Variants in CNKSR3 observed in about 807,000 individuals in gnomAD.
The protein encoded by CNKSR3 is CNKSR family member 3.
In CNKSR3, 36 loss-of-function variants were observed where a neutral mutation model predicts 67.7. The observed-to-expected ratio is 0.53, with a 90% confidence interval of 0.41 to 0.70. CNKSR3 has a LOEUF of 0.70. Among genes scored for constraint, CNKSR3 ranks in the 30% least tolerant of loss-of-function variants. The pLI, the probability that CNKSR3 is intolerant of heterozygous loss-of-function variation, is 0.00. For missense variants in CNKSR3, 630 were observed against 695.2 expected, an observed-to-expected ratio of 0.91 and a Z score of 1.05; for synonymous variants, 281 against 271.4, an observed-to-expected ratio of 1.04 and a Z score of -0.35.
chr6:154,394,557 T>C lies in CNKSR3; in HGVS notation c.*11797A>G, dbSNP rs1031045616. ...ATGAGGAAAATGTAAACTCTTAGTGTGTAAAGTCACTGAGATTTGGGGGTT... is the reference window on the plus strand; with the variant it reads ...ATGAGGAAAATGTAAACTCTTAGTGCGTAAAGTCACTGAGATTTGGGGGTT... On this transcript the variant is annotated 3_prime_UTR_variant, in exon 13 of 13. Transcript: ENST00000607772. 2 of 147,290 alleles carry C rather than the reference T, an allele frequency of 1.4e-5. No homozygotes were observed. Among genetic ancestry groups the C allele is most frequent in the African/African-American group, 2.5e-5 (1 of 39,450 alleles). 9.1% of individuals were successfully genotyped at this position (147,290 alleles called of 1,614,324 possible).
Position 154,406,170 on chromosome 6 carries a change from C to T in CNKSR3, c.*184G>A. 1 of 611,572 alleles carries T rather than the reference C, an allele frequency of 1.6e-6. No individual in the cohort carries two copies. The highest frequency in any genetic ancestry group is 2.8e-5 in the East Asian group (1 of 35,832). 37.9% of individuals were successfully genotyped at this position (611,572 alleles called of 1,614,324 possible). A position where few individuals can be genotyped will look rare whatever the true frequency, so the allele number is the denominator to read the frequency against. On this transcript the variant is annotated 3_prime_UTR_variant, in exon 13 of 13. Transcript: ENST00000607772. ...TCTCCACAAGCCAGCACCTAAGATC[C>T]TCTGAATTTGTTCCCATCCAATCCT...
At chr6:154,427,865 T>G (rs1176783448) in intron 7 of CNKSR3, among the ~76,000 whole-genome samples, 2 of 152,176 alleles carry the variant, frequency 1.3e-5, no homozygotes, top group African/African-American at 4.8e-5. Flanking sequence ...ACACTTCCAG[T>G]GTGCAAAAGG....
chr6:154,489,242 CT>C (rs924533214), intron 1 of CNKSR3, among the ~76,000 whole-genome samples: 1 of 151,976 alleles, frequency 6.6e-6, no homozygotes, highest in African/African-American at 2.4e-5. Flanking sequence ...TAAAGTCACC[CT>C]ATTGCTGCTG....
intron 1 of CNKSR3, among the ~76,000 whole-genome samples, chr6:154,463,270 C>G (rs961862107): frequency 1.3e-5 from 2 of 151,992 alleles, no homozygotes; most frequent in Non-Finnish European, 2.9e-5. Context: ...AGGTTTTCAC[C>G]GTGTTAGCCA....
intron 1 of CNKSR3, among the ~76,000 whole-genome samples, chr6:154,479,230 A>AAT (rs1554237019): frequency 2.3e-4 from 35 of 151,408 alleles, no homozygotes; most frequent in East Asian, 1.4e-3. Context: ...AAAAAAAAAA[A>AAT]ATATTCTTTC....
Position 154,500,399 on chromosome 6 carries a change from G to C in CNKSR3, c.52+9664C>G, listed in dbSNP as rs557609520. Among the ~76,000 whole-genome samples the C allele has an allele frequency of 2.0e-3, 302 of 152,192 alleles. 4 individuals carry two copies. The highest frequency in any genetic ancestry group is 1.8e-4 in the Non-Finnish European group (12 of 68,016). On this transcript the variant is annotated intron_variant, in intron 1 of 12. Coordinates refer to ENST00000607772, the MANE Select transcript of CNKSR3 (RefSeq NM_173515.4). ...GTTATCCTCAGGAAAGCATGATTCA[G>C]ATTATCATAATCGCCGCCTTTTCTG...
intron 1 of CNKSR3, among the ~76,000 whole-genome samples, chr6:154,451,676 GGCTAAACTACATCTCT>G (rs1409337465): frequency 1.1e-4 from 16 of 152,170 alleles, no homozygotes; most frequent in Non-Finnish European, 8.8e-5. Context: ...TGATGTGTGA[GGCTAAACTACATCTCT>G]GCCCTGCAAA....
intron 4 of CNKSR3, among the ~76,000 whole-genome samples, chr6:154,437,410 C>CTT (rs10665656): frequency 0.42 from 42,965 of 101,924 alleles, 9,882 homozygotes; most frequent in East Asian, 0.78. Context: ...CACCTATGTT[C>CTT]TTTTTTTTTT....
At chr6:154,488,927 G>C (rs1223823039) in intron 1 of CNKSR3, among the ~76,000 whole-genome samples, 1 of 152,190 alleles carries the variant, frequency 6.6e-6, no homozygotes, top group African/African-American at 2.4e-5. Context: ...TCCCAGAACT[G>C]AGTGTACGTT....
chr6:154,454,102 C>CAGAGAGAGAGAGAG (rs1357528671), intron 1 of CNKSR3, among the ~76,000 whole-genome samples: 12 of 115,296 alleles, frequency 1.0e-4, no homozygotes, highest in African/African-American at 4.1e-4. Context: ...CACACACACA[C>CAGAGAGAGAGAGAG]ACAGAGAGAG....
rs771594128 is a variant in CNKSR3 at position 154,428,121 on chromosome 6, C to T, written c.729+7G>A. On this transcript the variant is annotated splice_region_variant and intron_variant, in intron 7 of 12. Transcript: ENST00000607772. ...ACAGATTTTACACTTAATGAATATACACTTACATTTTCTGTGGTTCCAGTA... is the reference window on the plus strand; with the variant it reads ...ACAGATTTTACACTTAATGAATATATACTTACATTTTCTGTGGTTCCAGTA... 1.8e-5 allele frequency: 29 copies of T among 1,577,046 alleles called. No individual in the cohort carries two copies. The South Asian group carries it at 3.2e-4, about 17-fold the overall frequency.
intron 1 of CNKSR3, among the ~76,000 whole-genome samples, chr6:154,493,678 G>A (rs1408673549): frequency 1.3e-5 from 2 of 152,192 alleles, no homozygotes; most frequent in African/African-American, 4.8e-5. Flanking sequence ...AGGCTTTACA[G>A]GAGGCATGGC....
At chr6:154,494,303 C>G (rs1022679341) in intron 1 of CNKSR3, among the ~76,000 whole-genome samples, 3 of 152,112 alleles carry the variant, frequency 2.0e-5, no homozygotes, top group African/African-American at 7.2e-5. Flanking sequence ...AGAACTCACT[C>G]ACTATCATGA....
chr6:154,485,321 T>C (rs78948046), intron 1 of CNKSR3, among the ~76,000 whole-genome samples: 1,668 of 152,298 alleles, frequency 0.011, 15 homozygotes, highest in Middle Eastern at 0.068. Flanking sequence ...ATTATATGTG[T>C]TTCTAAAGGG....
intron 1 of CNKSR3, among the ~76,000 whole-genome samples, chr6:154,504,707 A>G (rs1207914157): frequency 1.3e-5 from 2 of 148,834 alleles, no homozygotes; most frequent in Admixed American, 6.6e-5. Context: ...TGGGTTTTCT[A>G]AGGATGAAAT....
At chr6:154,474,453 A>G (rs938351366) in intron 1 of CNKSR3, among the ~76,000 whole-genome samples, 1 of 152,052 alleles carries the variant, frequency 6.6e-6, no homozygotes, top group Non-Finnish European at 1.5e-5. Flanking sequence ...AAGTCCTTCA[A>G]CATACCCAGC....
At chr6:154,509,036 C>T (rs938617667) in intron 1 of CNKSR3, among the ~76,000 whole-genome samples, 6 of 151,140 alleles carry the variant, frequency 4.0e-5, no homozygotes, top group Non-Finnish European at 8.8e-5. Context: ...CTGTAAAGCG[C>T]TACACAATTC....
intron 4 of CNKSR3, among the ~76,000 whole-genome samples, chr6:154,438,299 CT>C (rs1287635371): frequency 2.0e-5 from 3 of 151,986 alleles, no homozygotes; most frequent in Non-Finnish European, 2.9e-5. Flanking sequence ...GTAAACACAA[CT>C]TTTTTTCTAA....
At position 154,400,080 on chromosome 6, in the gene CNKSR3, C is replaced by T. The variant is rs2128709109; in HGVS notation, c.*6274G>A. 6.6e-6 allele frequency: 1 copy of T among 152,208 alleles called. No homozygotes were observed. Among genetic ancestry groups the T allele is most frequent in the Non-Finnish European group, 1.5e-5 (1 of 68,006 alleles). The allele number at this position is 152,208 out of a possible 1,614,324, so 9.4% of individuals were successfully genotyped here. A position where few individuals can be genotyped will look rare whatever the true frequency, so the allele number is the denominator to read the frequency against. On this transcript the variant is annotated 3_prime_UTR_variant, in exon 13 of 13. Transcript: ENST00000607772. ...ATTACTCTACTGCCCTTTTAAATAC[C>T]TTTGAGGTTTATTTCTTAATTTTTT...
Sources: gnomAD v4.1 joint callset for allele counts (sites outside exome capture counted in the v4.1 genomes callset) on GRCh38, gnomAD v4.1.1 for gene constraint, MANE v1.5 for transcripts, NCBI Gene and HGNC (gene_info 2026-07-23, HGNC 2026-07-21) for gene names.